ANK3: variants seen among roughly 807,000 people sequenced by gnomAD.
ANK3 encodes ankyrin 3.
A neutral mutation model predicts 370.9 loss-of-function variants in ANK3; 57 were observed. The observed-to-expected ratio is 0.15, with a 90% CI of 0.12 to 0.19. ANK3 has a LOEUF of 0.19. Ranked by LOEUF, ANK3 falls within the 10% of genes least tolerant of loss-of-function variation. ANK3 has a pLI of 1.00. For missense variants in ANK3, 4,439 were observed against 5,302.1 expected (o/e 0.84, Z 5.06); for synonymous variants, 1,929 against 1,946.3 (o/e 0.99, Z 0.23).
chr10:60,280,346 C>A (rs1344834862), intron 1 of ANK3, among the ~76,000 whole-genome samples: 1 of 152,082 alleles, frequency 6.6e-6, no homozygotes, highest in Non-Finnish European at 1.5e-5. Flanking sequence ...GGCATGATCC[C>A]AACTTAACCC....
intron 1 of ANK3, among the ~76,000 whole-genome samples, chr10:60,388,550 A>ATTAATT (rs2062745740): frequency 6.6e-6 from 1 of 152,182 alleles, no homozygotes; most frequent in Non-Finnish European, 1.5e-5. Flanking sequence ...CATGGAGGAA[A>ATTAATT]AGTGCTTTGG....
intron 2 of ANK3, among the ~76,000 whole-genome samples, chr10:60,412,946 C>T (rs1337148284): frequency 1.3e-5 from 2 of 152,140 alleles, no homozygotes; most frequent in Non-Finnish European, 2.9e-5. Context: ...AATAAGGTCT[C>T]AATAAATACT....
chr10:60,379,221 G>T (rs942822607), intron 1 of ANK3, among the ~76,000 whole-genome samples: 5 of 152,094 alleles, frequency 3.3e-5, no homozygotes, highest in Admixed American at 6.6e-5. Flanking sequence ...AATAACAAAT[G>T]CTGGCAAGAA....
chr10:60,158,685 C>CTTTTTTTTTTTTTTTTTTTTTTT (rs141741941), intron 23 of ANK3, among the ~76,000 whole-genome samples: 2 of 132,710 alleles, frequency 1.5e-5, no homozygotes, highest in African/African-American at 5.9e-5. Context: ...CACTTTTTTT[C>CTTTTTTTTTTTTTTTTTTTTTTT]TTTTTTTTGA....
At chr10:60,546,045 T>C (rs2076956108) in intron 2 of ANK3, among the ~76,000 whole-genome samples, 2 of 140,908 alleles carry the variant, frequency 1.4e-5, no homozygotes, top group Admixed American at 1.4e-4. Context: ...ATAGTATTTT[T>C]ATTATTTAGA....
intron 1 of ANK3, among the ~76,000 whole-genome samples, chr10:60,314,304 G>A (rs976343656): frequency 1.3e-5 from 2 of 152,086 alleles, no homozygotes; most frequent in Non-Finnish European, 2.9e-5. Flanking sequence ...CATTTTCCCA[G>A]TTAATTTTCA....
intron 2 of ANK3, among the ~76,000 whole-genome samples, chr10:60,407,283 C>A (rs1295932548): frequency 2.0e-5 from 3 of 152,124 alleles, no homozygotes; most frequent in Admixed American, 6.5e-5. Context: ...GTATGTGGCA[C>A]CCCTAAGCTC....
intron 1 of ANK3, among the ~76,000 whole-genome samples, chr10:60,726,923 A>G (rs1348509687): frequency 6.6e-6 from 1 of 152,130 alleles, no homozygotes; most frequent in Non-Finnish European, 1.5e-5. Context: ...CATTTCATCA[A>G]TAGTTACAAT....
chr10:60,493,927 C>A (rs12246745), intron 2 of ANK3, among the ~76,000 whole-genome samples: 19,539 of 152,122 alleles, frequency 0.13, 1,443 homozygotes, highest in African/African-American at 0.2. Flanking sequence ...CCCAACTTCC[C>A]TTCCACCTTA....
At chr10:60,714,786 T>C (rs1232088597) in intron 1 of ANK3, among the ~76,000 whole-genome samples, 5 of 152,150 alleles carry the variant, frequency 3.3e-5, no homozygotes, top group Non-Finnish European at 7.4e-5. Context: ...CCCCTAGAGT[T>C]TGAGACCAGC....
intron 24 of ANK3, among the ~76,000 whole-genome samples, chr10:60,137,753 A>G (rs2094419106): frequency 6.6e-6 from 1 of 152,168 alleles, no homozygotes; most frequent in African/African-American, 2.4e-5. Context: ...CTACATAAAA[A>G]TGACTGATCA....
intron 25 of ANK3, among the ~76,000 whole-genome samples, 162 bp from the exon 26 acceptor site, chr10:60,114,493 T>G (rs2092946188): frequency 6.6e-6 from 1 of 152,108 alleles, no homozygotes; most frequent in South Asian, 2.1e-4. Flanking sequence ...GAAATCTGAG[T>G]GTAATGTTAG....
chr10:60,118,984 C>G (rs2093298271), intron 25 of ANK3, among the ~76,000 whole-genome samples: 1 of 152,218 alleles, frequency 6.6e-6, no homozygotes, highest in Non-Finnish European at 1.5e-5. Context: ...AACTCTGCCA[C>G]TCATTGAAGC....
intron 2 of ANK3, among the ~76,000 whole-genome samples, chr10:60,602,294 T>A (rs1299180253): frequency 6.6e-6 from 1 of 152,148 alleles, no homozygotes; most frequent in Non-Finnish European, 1.5e-5. Context: ...AACTATGACT[T>A]CTTTTCTTAT....
chr10:60,585,727 A>G (rs1001960172), intron 2 of ANK3, among the ~76,000 whole-genome samples: 1 of 152,174 alleles, frequency 6.6e-6, no homozygotes, highest in Non-Finnish European at 1.5e-5. Context: ...ACCAAGGTGA[A>G]GAACTGTACT....
At position 60,205,825 on chromosome 10, in the gene ANK3, C is replaced by T; in HGVS notation, c.1260G>A (p.Leu420=). 1 of 1,614,018 alleles carries T rather than the reference C, an allele frequency of 6.2e-7. No homozygotes were observed. The highest frequency in any genetic ancestry group is 8.5e-7 in the Non-Finnish European group (1 of 1,179,898). Residue 420 remains leucine (L), a synonymous_variant, in exon 11 of 44, where the codon CTG becomes CTA. Transcript: ENST00000280772. ...CAGCTTGGATGGATGCACCGTGTTT[C>T]AGAAGGAGTTCCATTACTTTAATTC... ...KNRIKVMELL[L]KHGASIQAVT... is the part of the protein sequence containing the mutation.
chr10:60,167,141 G>A (rs1372520988), intron 21 of ANK3, among the ~76,000 whole-genome samples: 1 of 152,078 alleles, frequency 6.6e-6, no homozygotes, highest in Non-Finnish European at 1.5e-5. Context: ...AAAAGATTTA[G>A]GTCTCTAATA....
intron 25 of ANK3, among the ~76,000 whole-genome samples, chr10:60,128,097 CAAAG>C (rs2132161743): frequency 6.6e-6 from 1 of 152,290 alleles, no homozygotes; most frequent in East Asian, 1.9e-4. Context: ...TAAACGTTAA[CAAAG>C]AACACTGTCT....
chr10:60,047,290 T>TG lies in ANK3; in HGVS notation c.13066-4532_13066-4531insC, dbSNP rs1589220395. Among the ~76,000 whole-genome samples the TG allele has an allele frequency of 2.6e-5, 4 of 152,302 alleles. No homozygotes were observed. In the East Asian group the frequency reaches 5.8e-4, roughly 22 times the overall value. On this transcript the variant is annotated intron_variant, in intron 42 of 43. Transcript: ENST00000280772. ...CCTCTGGTGACGGTATTAATGAAAATTAACTGTACTTCCCTCTGGACTCCT... is the reference window on the plus strand; with the variant it reads ...CCTCTGGTGACGGTATTAATGAAAATGTAACTGTACTTCCCTCTGGACTCCT...
Sources: gnomAD v4.1 joint callset for allele counts (sites outside exome capture counted in the v4.1 genomes callset) on GRCh38, gnomAD v4.1.1 for gene constraint, MANE v1.5 for transcripts, NCBI Gene and HGNC (gene_info 2026-07-23, HGNC 2026-07-21) for gene names.